TTN: variants seen among roughly 807,000 people sequenced by gnomAD.
TTN encodes the protein titin.
In TTN, 1,525 loss-of-function variants were observed where a neutral mutation model predicts 3,223.0. The observed-to-expected ratio is 0.47, with a 90% CI of 0.45 to 0.49. The LOEUF (loss-of-function observed/expected upper bound fraction) is 0.49. Ranked by LOEUF, TTN falls within the 20% of genes least tolerant of loss-of-function variation. The probability of loss-of-function intolerance (pLI) is 0.00; values close to 1 mark genes in which losing one functional copy is unlikely to be tolerated. For synonymous variants in TTN, 14,094 were observed against 15,161.0 expected (o/e 0.93, Z 5.17); for missense variants, 40,786 against 43,424.0 (o/e 0.94, Z 5.40).
chr2:178,664,420 C>T, intron 168 of TTN, 40 bp downstream of exon 168: 1 of 1,484,196 alleles, frequency 6.7e-7, no homozygotes, highest in Non-Finnish European at 9.3e-7. Flanking sequence ...TCTATCGCCC[C>T]ACCCACTATC....
chr2:178,779,291 T>C lies in TTN; in HGVS notation c.3901A>G (p.Arg1301Gly). ...GTGACACCCATCCCCTCAAGAATTC[T>C]ATAATTCTTGATTCTTGAATCAAAT... ...SGFDSRIKNY[R>G]ILEGMGVTFH... The change falls in exon 23 of 363, where the codon AGA (arginine) becomes GGA (glycine). Residue 1301 changes from arginine to glycine, a missense_variant. Arg to Gly is a moderately radical substitution (Grantham distance 125). Transcript: ENST00000589042. 6.2e-7 allele frequency: 1 copy of C among 1,613,758 alleles called. No individual in the cohort carries two copies. The highest frequency in any genetic ancestry group is 8.5e-7 in the Non-Finnish European group (1 of 1,179,750).
Position 178,739,850 on chromosome 2 carries a change from AT to A in TTN, c.13382del (p.Asp4461ValfsTer9). ...TCAGGTTAGCCATTTGAGGATCAAC[AT>A]CTTCAATAATGATGGTTACTTCTTC... Reference protein sequence around the residue: ...VTEEVTIIIEDVDPQMANLKM... With the variant: ...VTEEVTIIIEXVDPQMANLKM... On this transcript the variant is annotated frameshift_variant, in exon 48 of 363. Coordinates refer to ENST00000589042, the MANE Select transcript of TTN (RefSeq NM_001267550.2). LOFTEE classifies it high-confidence loss of function. The A allele has an allele frequency of 6.2e-7, 1 of 1,613,914 alleles. No homozygotes were observed. The highest frequency in any genetic ancestry group is 8.5e-7 in the Non-Finnish European group (1 of 1,179,844).
Position 178,531,398 on chromosome 2 carries a change from T to G in TTN, c.105217A>C (p.Met35073Leu). Reference protein sequence around the residue: ...AVSSFKKTSEMEASSSVREVK... With the variant: ...AVSSFKKTSELEASSSVREVK... ...TCCCTGACAGAAGACGAAGCTTCCA[T>G]CTCAGATGTTTTCTTAAATGATGAA... Residue 35073 changes from methionine (M) to leucine (L), a missense_variant, in exon 358 of 363, where the codon ATG (methionine) becomes CTG (leucine). Coordinates refer to ENST00000589042, the MANE Select transcript of TTN (RefSeq NM_001267550.2). The G allele has an allele frequency of 1.2e-6, 2 of 1,614,008 alleles. No individual in the cohort carries two copies. Among genetic ancestry groups the G allele is most frequent in the Non-Finnish European group, 1.7e-6 (2 of 1,179,888 alleles).
chr2:178,775,798 C>G lies in TTN; in HGVS notation c.6066G>C (p.Lys2022Asn). 6.2e-7 allele frequency: 1 copy of G among 1,613,582 alleles called. No individual in the cohort carries two copies. Among genetic ancestry groups the G allele is most frequent in the Non-Finnish European group, 8.5e-7 (1 of 1,179,860 alleles). Residue 2022 changes from lysine to asparagine, a missense_variant, in exon 28 of 363, where the codon AAG becomes AAC. Physicochemically the swap from Lys to Asn is moderately conservative, Grantham distance 94. Transcript: ENST00000589042. ...AITAVELKSR[K>N]KDESYEELLR... ...GGAGTTCCTCATAGGATTCATCCTTCTTTCGAGACTTGAGCTCCACAGCGG... is the reference window on the plus strand; with the variant it reads ...GGAGTTCCTCATAGGATTCATCCTTGTTTCGAGACTTGAGCTCCACAGCGG...
chr2:178,585,397 T>C (rs1169081974), intron 308 of TTN, 50 bp from the exon 309 acceptor site: 4 of 1,524,044 alleles, frequency 2.6e-6, no homozygotes, highest in Non-Finnish European at 3.5e-6. Flanking sequence ...GATAAGTTTC[T>C]TCTGGTGGAG....
In TTN at chr2:178,529,091, C is replaced by G. The variant is rs1165517840; in HGVS notation, c.106660G>C (p.Glu35554Gln). The G allele has an allele frequency of 1.9e-6, 3 of 1,612,622 alleles. No homozygotes were observed. The highest frequency in any genetic ancestry group is 8.5e-7 in the Non-Finnish European group (1 of 1,179,350). ...ALRSEEIKMSEAKSQEKLALK... is the reference protein window; with the variant it reads ...ALRSEEIKMSQAKSQEKLALK... ...GCTAACTTTTCTTGAGATTTTGCCT[C>G]TGACATCTTAATTTCTTCAGACCTT... Residue 35554 changes from glutamate to glutamine, a missense_variant, in exon 360 of 363, where the codon GAG (glutamate) becomes CAG (glutamine). Transcript: ENST00000589042.
chr2:178,691,107 A>G (rs2072296260), intron 121 of TTN, among the ~76,000 whole-genome samples: 1 of 152,210 alleles, frequency 6.6e-6, no homozygotes, highest in South Asian at 2.1e-4. Flanking sequence ...GAAAGAGCCA[A>G]GAGTTTGAGA....
Position 178,739,203 on chromosome 2 carries a change from C to G in TTN, c.14030G>C (p.Cys4677Ser). The change falls in exon 48 of 363, where the codon TGT becomes TCT. Residue 4677 changes from cysteine to serine, a missense_variant. Coordinates refer to ENST00000589042, the MANE Select transcript of TTN (RefSeq NM_001267550.2). ...TTTTCCGCTGTCATTCAAGGCCTCA[C>G]AGACATACTCTCCTTGATGGTCTTC... The part of the protein sequence containing the change: ...NTEDHQGEYV[C>S]EALNDSGKTA... The G allele has an allele frequency of 1.3e-6, 2 of 1,548,102 alleles. No individual in the cohort carries two copies. The highest frequency in any genetic ancestry group is 1.7e-6 in the Non-Finnish European group (2 of 1,145,296).
intron 6 of TTN, among the ~76,000 whole-genome samples, chr2:178,796,816 T>C (rs538564386): frequency 6.6e-6 from 1 of 152,282 alleles, no homozygotes; most frequent in South Asian, 2.1e-4. Flanking sequence ...GTAATTTTGG[T>C]CATTATAGGA....
chr2:178,786,861 T>C (rs2093221497), intron 13 of TTN, among the ~76,000 whole-genome samples: 1 of 152,254 alleles, frequency 6.6e-6, no homozygotes, highest in Non-Finnish European at 1.5e-5. Context: ...TAATTTACTT[T>C]CATTATTATG....
rs2154251772 is a variant in TTN, at chr2:178,653,317, T to C, written c.38712A>G (p.Pro12904=). Residue 12904 remains proline, a synonymous_variant, in exon 198 of 363, where the codon CCA becomes CCG. Transcript: ENST00000589042. The part of the protein sequence containing the change: ...KKPEVPPVTV[P]EAPKEVVLEK... The stretch of plus-strand genomic sequence containing the variant: ...CAAGGACAACTTCTTTGGGAGCCTC[T>C]GGCACTTAAAAGATATTAGTAAAGT... 1 of 1,612,326 alleles carries C rather than the reference T, an allele frequency of 6.2e-7. No homozygotes were observed.
rs1479173799 is a variant in TTN, at chr2:178,534,894, A to G, written c.101721T>C (p.Ser33907=). ...GLDIFERINT[S]AFELNEREIV... ...TTTCTCTTTCATTAAGTTCAAAAGCACTTGTGTTAATGCGCTCAAATATGT... is the reference window on the plus strand; with the variant it reads ...TTTCTCTTTCATTAAGTTCAAAAGCGCTTGTGTTAATGCGCTCAAATATGT... The change falls in exon 358 of 363, where the codon AGT becomes AGC. Residue 33907 remains serine (S), a synonymous_variant. Coordinates refer to ENST00000589042, the MANE Select transcript of TTN (RefSeq NM_001267550.2). The G allele has an allele frequency of 4.3e-6, 7 of 1,609,348 alleles. No homozygotes were observed. Among genetic ancestry groups the G allele is most frequent in the Non-Finnish European group, 5.1e-6 (6 of 1,179,818 alleles).
At position 178,756,617 on chromosome 2, in the gene TTN, G is replaced by A. The variant is rs1267288273; in HGVS notation, c.10859C>T (p.Ser3620Phe). 1 of 1,613,644 alleles carries A rather than the reference G, an allele frequency of 6.2e-7. No individual in the cohort carries two copies. Among genetic ancestry groups the A allele is most frequent in the South Asian group, 1.1e-5 (1 of 91,048 alleles). Residue 3620 changes from serine (S) to phenylalanine (F), a missense_variant, in exon 46 of 363, where the codon TCC (serine) becomes TTC (phenylalanine). Physicochemically the swap from Ser to Phe is radical, Grantham distance 155. Coordinates refer to ENST00000589042, the MANE Select transcript of TTN (RefSeq NM_001267550.2). ...VQVFESVSQS[S>F]IHTAASVQDT... ...TTGAACAGATGCAGCTGTGTGGATG[G>A]AACTTTGAGATACACTTTCAAAAAC...
Position 178,565,358 on chromosome 2 carries a change from C to T in TTN, c.80774G>A (p.Arg26925Lys), listed in dbSNP as rs748215561. Residue 26925 changes from arginine (R) to lysine (K), a missense_variant, in exon 326 of 363, where the codon AGA becomes AAA. Coordinates refer to ENST00000589042, the MANE Select transcript of TTN (RefSeq NM_001267550.2). ...GGTAGCTGTTTCTTCAACGTTTACT[C>T]TTGTTGTCTGTTTAAGAGGCTCACC... ...KDGEPLKQTT[R>K]VNVEETATST... 29 of 1,613,482 alleles carry T rather than the reference C, an allele frequency of 1.8e-5. No individual in the cohort carries two copies. The highest frequency in any genetic ancestry group is 2.5e-5 in the Non-Finnish European group (29 of 1,179,670).
In TTN at chr2:178,749,623, G is replaced by A. The variant is rs1405788736; in HGVS notation, c.11311+3501C>T. Reference sequence around the variant, plus strand: ...TTCCATAAATTTCACCAATATTTTCGAATTGACTATTTTCTCTATAAGTGA... The same window carrying A: ...TTCCATAAATTTCACCAATATTTTCAAATTGACTATTTTCTCTATAAGTGA... On this transcript the variant is annotated intron_variant, in intron 47 of 362. Coordinates refer to ENST00000589042, the MANE Select transcript of TTN (RefSeq NM_001267550.2). The A allele has an allele frequency of 8.1e-6, 13 of 1,611,908 alleles. No individual in the cohort carries two copies. Among genetic ancestry groups the A allele is most frequent in the Middle Eastern group, 3.3e-4 (2 of 6,062 alleles).
chr2:178,610,688 G>A (rs536299029), intron 270 of TTN, among the ~76,000 whole-genome samples: 1 of 152,006 alleles, frequency 6.6e-6, no homozygotes, highest in Admixed American at 6.6e-5. Flanking sequence ...ATGGGAAAAT[G>A]TGAAGCTGTG....
In TTN at chr2:178,567,721, T is replaced by G; in HGVS notation, c.78411A>C (p.Lys26137Asn). 1 of 1,612,408 alleles carries G rather than the reference T, an allele frequency of 6.2e-7. No homozygotes were observed. Among genetic ancestry groups the G allele is most frequent in the Non-Finnish European group, 8.5e-7 (1 of 1,178,738 alleles). The change falls in exon 326 of 363, where the codon AAA becomes AAC. Residue 26137 changes from lysine to asparagine, a missense_variant. Physicochemically the swap from Lys to Asn is moderately conservative, Grantham distance 94. Transcript: ENST00000589042. ...TTTCAATGACATTTGTAAAGCTAGC[T>G]TTCATCCAACGACCATCAGGCAAAT... ...KRDLPDGRWMKASFTNVIETQ... is the reference protein window; with the variant it reads ...KRDLPDGRWMNASFTNVIETQ...
At chr2:178,673,735 T>G in intron 151 of TTN, 25 bp from the exon 152 acceptor site, 1 of 1,570,198 alleles carries the variant, frequency 6.4e-7, no homozygotes, top group Non-Finnish European at 8.7e-7. Context: ...TATGAACATT[T>G]TGAAAAGTGG....
At position 178,608,496 on chromosome 2, in the gene TTN, T is replaced by C. The variant is rs1441690681; in HGVS notation, c.52406-19A>G. The C allele has an allele frequency of 6.4e-7, 1 of 1,565,840 alleles. No individual in the cohort carries two copies. The highest frequency in any genetic ancestry group is 1.4e-5 in the African/African-American group (1 of 72,736). ...GGTGGTCCTGATAAAAAAATAACAT[T>C]TGAAGTAAATTTCCCAGTATGACAT... On this transcript the variant is annotated intron_variant, in intron 274 of 362. Transcript: ENST00000589042.
Sources: gnomAD v4.1 joint callset for allele counts (sites outside exome capture counted in the v4.1 genomes callset) on GRCh38, gnomAD v4.1.1 for gene constraint, MANE v1.5 for transcripts, NCBI Gene and HGNC (gene_info 2026-07-23, HGNC 2026-07-21) for gene names.